The following PPP2R5E variants were observed in gnomAD, a reference collection of about 807,000 sequenced individuals.
PPP2R5E encodes the protein protein phosphatase 2 regulatory subunit B'epsilon.
Under a neutral mutation model 65.3 loss-of-function variants are expected in PPP2R5E, and 4 were observed. The ratio of observed to expected loss-of-function variants is 0.06; its 90% CI spans 0.03 to 0.14. The LOEUF (loss-of-function observed/expected upper bound fraction) is 0.14, where lower values mean the gene tolerates loss of function less well. Among genes scored for constraint, PPP2R5E ranks in the 10% least tolerant of loss-of-function variants. The probability of loss-of-function intolerance (pLI) is 1.00; values close to 1 mark genes in which losing one functional copy is unlikely to be tolerated. For synonymous variants in PPP2R5E, 183 were observed against 187.4 expected (o/e 0.98, Z 0.19); for missense variants, 274 against 556.1 (o/e 0.49, Z 5.10).
In PPP2R5E at chr14:63,457,021, C is replaced by A. The variant is rs977427481; in HGVS notation, c.158-3136G>T. Among the ~76,000 whole-genome samples, 14 of 152,174 alleles carry A rather than the reference C, an allele frequency of 9.2e-5. No homozygotes were observed. In the South Asian group the frequency reaches 2.3e-3, roughly 25 times the overall value. Reference sequence around the variant, plus strand: ...AACCAAAAGGGGGTTCTTAAAGAGACAATCCCTTTATGGTAACAATTTAGG... The same window carrying A: ...AACCAAAAGGGGGTTCTTAAAGAGAAAATCCCTTTATGGTAACAATTTAGG... On this transcript the variant is annotated intron_variant, in intron 2 of 13. Coordinates refer to ENST00000337537, the MANE Select transcript of PPP2R5E (RefSeq NM_006246.5).
intron 2 of PPP2R5E, among the ~76,000 whole-genome samples, chr14:63,531,572 T>C (rs1893437228): frequency 6.6e-6 from 1 of 152,206 alleles, no homozygotes; most frequent in Admixed American, 6.5e-5. Context: ...CCACACTTTT[T>C]CAAAGGTTCT....
At chr14:63,479,152 A>G (rs574453428) in intron 2 of PPP2R5E, 4 of 152,174 alleles carry the variant, frequency 2.6e-5, no homozygotes, top group Non-Finnish European at 5.9e-5. Flanking sequence ...GAAAAAAATC[A>G]TTAAGAACAA....
chr14:63,376,739 T>G (rs1023503271), intron 13 of PPP2R5E, among the ~76,000 whole-genome samples: 4 of 152,182 alleles, frequency 2.6e-5, no homozygotes, highest in African/African-American at 9.7e-5. Context: ...AAAAAAGGAT[T>G]TTTAACATCA....
At chr14:63,461,732 C>G (rs73274647) in intron 2 of PPP2R5E, among the ~76,000 whole-genome samples, 1 of 151,732 alleles carries the variant, frequency 6.6e-6, no homozygotes, top group East Asian at 1.9e-4. Flanking sequence ...TCAGCCCAGG[C>G]TGCAGTGAGC....
Position 63,372,882 on chromosome 14 carries a change from C to T in PPP2R5E, c.*3127G>A, listed in dbSNP as rs1214023974. On this transcript the variant is annotated 3_prime_UTR_variant, in exon 14 of 14. Transcript: ENST00000337537. The stretch of plus-strand genomic sequence containing the variant: ...CCCAAGATGAAGGAGCATAACCCTG[C>T]TTGTGAGTATCCAGTGGCATCGAGG... 6.6e-6 allele frequency: 1 copy of T among 152,094 alleles called. No individual in the cohort carries two copies. The highest frequency in any genetic ancestry group is 1.5e-5 in the Non-Finnish European group (1 of 68,008). 9.4% of individuals were successfully genotyped at this position (152,094 alleles called of 1,614,324 possible).
chr14:63,393,949 C>T (rs757706720), intron 7 of PPP2R5E, 21 bp from the exon 8 acceptor site: 2 of 1,386,658 alleles, frequency 1.4e-6, no homozygotes, highest in South Asian at 1.2e-5. Context: ...AAAAGAGACA[C>T]AAATTAGCAA....
Position 63,395,294 on chromosome 14 carries a change from AGAGGAGAAAAGG to A in PPP2R5E, c.681-21_681-10del, listed in dbSNP as rs529204596. On this transcript the variant is annotated splice_polypyrimidine_tract_variant and intron_variant, in intron 6 of 13. Coordinates refer to ENST00000337537, the MANE Select transcript of PPP2R5E (RefSeq NM_006246.5). ...CTGTTTCATAAACAAACCTGAGAGA[AGAGGAGAAAAGG>A]GAGGAGAAAGGAGGAGAGGAGGAGG... 1,527 of 1,584,950 alleles carry A rather than the reference AGAGGAGAAAAGG, an allele frequency of 9.6e-4. 23 individuals carry two copies. In the South Asian group the frequency reaches 0.016, roughly 17 times the overall value.
chr14:63,488,793 G>A (rs1389079488), intron 2 of PPP2R5E, among the ~76,000 whole-genome samples: 3 of 151,890 alleles, frequency 2.0e-5, no homozygotes, highest in African/African-American at 7.3e-5. Flanking sequence ...AGGTTACAGA[G>A]AGCCAAGATC....
chr14:63,522,574 T>C (rs1892972059), intron 2 of PPP2R5E, among the ~76,000 whole-genome samples: 1 of 141,188 alleles, frequency 7.1e-6, no homozygotes, highest in Non-Finnish European at 1.5e-5. Flanking sequence ...GTCTGAGATG[T>C]GGGGAGCGCC....
chr14:63,394,062 A>T (rs1885186435), intron 7 of PPP2R5E, 134 bp from the exon 8 acceptor site: 1 of 399,152 alleles, frequency 2.5e-6, no homozygotes, highest in African/African-American at 2.1e-5. Context: ...AGTGGCATTC[A>T]GAATTTCCTT....
At chr14:63,478,780 G>A (rs895004465) in intron 2 of PPP2R5E, among the ~76,000 whole-genome samples, 1 of 152,124 alleles carries the variant, frequency 6.6e-6, no homozygotes, top group African/African-American at 2.4e-5. Context: ...CTTACCCTGA[G>A]AGGAGATTAA....
chr14:63,466,772 CAT>C (rs1285113228), intron 2 of PPP2R5E, among the ~76,000 whole-genome samples: 31 of 152,012 alleles, frequency 2.0e-4, no homozygotes, highest in Non-Finnish European at 5.9e-5. Context: ...TGTGTGTATA[CAT>C]ATGTGTATAC....
chr14:63,394,070 CTTTTTTT>C (rs557273298), intron 7 of PPP2R5E, 142 bp from the exon 8 acceptor site: 14,004 of 180,542 alleles, frequency 0.078, 242 homozygotes, highest in East Asian at 0.23. Context: ...TCAGAATTTC[CTTTTTTT>C]TTTTTTTTTT....
chr14:63,385,690 C>A (rs1361131588), intron 11 of PPP2R5E, among the ~76,000 whole-genome samples: 3 of 148,244 alleles, frequency 2.0e-5, no homozygotes, highest in Non-Finnish European at 2.9e-5. Flanking sequence ...GAAGGAGATA[C>A]CATTGTGCTC....
At chr14:63,388,446 C>A (rs1165648158) in intron 11 of PPP2R5E, among the ~76,000 whole-genome samples, 1 of 151,586 alleles carries the variant, frequency 6.6e-6, no homozygotes, top group Non-Finnish European at 1.5e-5. Flanking sequence ...GCCGATGATG[C>A]TCATTTTTAA....
At chr14:63,495,121 T>A (rs996744348) in intron 2 of PPP2R5E, among the ~76,000 whole-genome samples, 2 of 151,444 alleles carry the variant, frequency 1.3e-5, no homozygotes, top group African/African-American at 2.4e-5. Flanking sequence ...GACAATCACT[T>A]GAACCCGGGA....
At position 63,526,526 on chromosome 14, in the gene PPP2R5E, T is replaced by C. The variant is rs577402789; in HGVS notation, c.157+13003A>G. Among the ~76,000 whole-genome samples, 6 of 150,938 alleles carry C rather than the reference T, an allele frequency of 4.0e-5. No individual in the cohort carries two copies. In the East Asian group the frequency reaches 9.8e-4, roughly 25 times the overall value. On this transcript the variant is annotated intron_variant, in intron 2 of 13. Transcript: ENST00000337537. Reference sequence around the variant, plus strand: ...TCTGTCTCTCTGTCTCTCTTTCTCTTTCTCTCTCTCTCTCTCAATCTTTCT... The same window carrying C: ...TCTGTCTCTCTGTCTCTCTTTCTCTCTCTCTCTCTCTCTCTCAATCTTTCT...
intron 2 of PPP2R5E, among the ~76,000 whole-genome samples, chr14:63,478,045 A>C (rs1461002611): frequency 6.6e-6 from 1 of 152,220 alleles, no homozygotes; most frequent in African/African-American, 2.4e-5. Context: ...AAAATGACAT[A>C]GCTTCAGTTA....
intron 5 of PPP2R5E, among the ~76,000 whole-genome samples, chr14:63,409,228 G>A (rs535236874): frequency 7.5e-4 from 114 of 152,048 alleles, no homozygotes; most frequent in African/African-American, 2.7e-3. Flanking sequence ...GCAAGACTCT[G>A]TCTCAAAAAA....
Sources: gnomAD v4.1 joint callset for allele counts (sites outside exome capture counted in the v4.1 genomes callset) on GRCh38, gnomAD v4.1.1 for gene constraint, MANE v1.5 for transcripts, NCBI Gene and HGNC (gene_info 2026-07-23, HGNC 2026-07-21) for gene names.